Variants in LYPLAL1 observed in about 807,000 individuals in gnomAD.
The protein encoded by LYPLAL1 is lysophospholipase like 1.
Under a neutral mutation model 19.7 loss-of-function variants are expected in LYPLAL1, and 23 were observed. That is an observed-to-expected ratio of 1.17 (90% CI 0.84 to 1.65). The LOEUF is 1.65. LYPLAL1 is among the 40% of genes most tolerant of loss of function. LYPLAL1 has a pLI of 0.00. For synonymous variants in LYPLAL1, 119 were observed against 96.3 expected, an observed-to-expected ratio of 1.24 and a Z score of -1.38; for missense variants, 355 against 279.4, an observed-to-expected ratio of 1.27 and a Z score of -1.93.
At chr1:219,179,497 C>T (rs952545494) in intron 2 of LYPLAL1, 6 of 363,690 alleles carry the variant, frequency 1.6e-5, no homozygotes, top group African/African-American at 1.3e-4. Flanking sequence ...CCAAGCATGG[C>T]TTATGTAACT....
At chr1:219,381,823 A>G in the LYPLAL1 span, among the ~76,000 whole-genome samples, 2 of 152,248 alleles carry the variant, frequency 1.3e-5, no homozygotes, top group African/African-American at 4.8e-5. Flanking sequence ...AGATTAAGTC[A>G]TGGATTCAAC....
chr1:219,413,908 G>A, the LYPLAL1 span, among the ~76,000 whole-genome samples: 11 of 152,298 alleles, frequency 7.2e-5, no homozygotes, highest in African/African-American at 2.6e-4. Flanking sequence ...CAAGTTTATA[G>A]TATAATATAA....
chr1:219,339,439 T>C, the LYPLAL1 span, among the ~76,000 whole-genome samples: 1 of 152,088 alleles, frequency 6.6e-6, no homozygotes, highest in Admixed American at 6.6e-5. Flanking sequence ...GTTGCTGTTC[T>C]CTCCATTATT....
At chr1:219,278,556 G>A in the LYPLAL1 span, among the ~76,000 whole-genome samples, 1 of 152,132 alleles carries the variant, frequency 6.6e-6, no homozygotes, top group Non-Finnish European at 1.5e-5. Flanking sequence ...TTTGAATTGA[G>A]GAAAGTCTGG....
At chr1:219,311,033 T>G in the LYPLAL1 span, among the ~76,000 whole-genome samples, 1 of 152,242 alleles carries the variant, frequency 6.6e-6, no homozygotes, top group African/African-American at 2.4e-5. Context: ...GCTTATCCAT[T>G]CTATCATTTT....
the LYPLAL1 span, among the ~76,000 whole-genome samples, chr1:219,234,347 TTATTCA>T: frequency 6.6e-6 from 1 of 152,144 alleles, no homozygotes; most frequent in Non-Finnish European, 1.5e-5. Context: ...AATGTAACTC[TTATTCA>T]TAAGCTATTG....
At chr1:219,204,818 G>T (rs1658420170) in intron 3 of LYPLAL1, among the ~76,000 whole-genome samples, 1 of 152,084 alleles carries the variant, frequency 6.6e-6, no homozygotes, top group African/African-American at 2.4e-5. Context: ...CCACTAGGTG[G>T]TGATAATTCG....
the LYPLAL1 span, among the ~76,000 whole-genome samples, chr1:219,353,111 C>A: frequency 2.0e-5 from 3 of 152,076 alleles, no homozygotes; most frequent in Non-Finnish European, 2.9e-5. Context: ...GAAGTGAAAC[C>A]GAGGATGTAA....
the LYPLAL1 span, among the ~76,000 whole-genome samples, chr1:219,415,960 C>A: frequency 6.6e-6 from 1 of 152,098 alleles, no homozygotes; most frequent in Non-Finnish European, 1.5e-5. Context: ...AGTCATTTTT[C>A]GTCAGTTTTG....
At chr1:219,193,058 T>TGGGG (rs60036848) in intron 2 of LYPLAL1, 24 bp from the exon 3 acceptor site, 7 of 1,192,934 alleles carry the variant, frequency 5.9e-6, no homozygotes, top group Non-Finnish European at 6.7e-6. Flanking sequence ...TCTTTTTTTT[T>TGGGG]GGGGGGGGGC....
intron 3 of LYPLAL1, among the ~76,000 whole-genome samples, chr1:219,208,901 G>A (rs1658780878): frequency 6.6e-6 from 1 of 152,180 alleles, no homozygotes; most frequent in African/African-American, 2.4e-5. Context: ...ACTAATTTGT[G>A]TATTTACGTA....
chr1:219,422,576 G>T, the LYPLAL1 span, among the ~76,000 whole-genome samples: 1 of 152,092 alleles, frequency 6.6e-6, no homozygotes, highest in Non-Finnish European at 1.5e-5. Context: ...TATAGTAGCT[G>T]TGAAAATAGC....
chr1:219,379,357 C>A, the LYPLAL1 span, among the ~76,000 whole-genome samples: 1 of 152,168 alleles, frequency 6.6e-6, no homozygotes, highest in Non-Finnish European at 1.5e-5. Flanking sequence ...ACTGCTTCTG[C>A]CACCTCAGAC....
chr1:219,333,646 G>C, the LYPLAL1 span, among the ~76,000 whole-genome samples: 1 of 151,972 alleles, frequency 6.6e-6, no homozygotes, highest in Admixed American at 6.6e-5. Context: ...GTTTATAAGA[G>C]AAATAAGAAT....
At chr1:219,317,954 C>G in the LYPLAL1 span, among the ~76,000 whole-genome samples, 1 of 152,092 alleles carries the variant, frequency 6.6e-6, no homozygotes, top group East Asian at 1.9e-4. Context: ...TGTCACCAAG[C>G]GGCAGCAAGA....
the LYPLAL1 span, among the ~76,000 whole-genome samples, chr1:219,341,234 A>G: frequency 6.6e-6 from 1 of 152,086 alleles, no homozygotes; most frequent in Non-Finnish European, 1.5e-5. Context: ...TGTTTCACTA[A>G]ATAAGCTCAA....
At chr1:219,352,375 G>C in the LYPLAL1 span, among the ~76,000 whole-genome samples, 1 of 152,012 alleles carries the variant, frequency 6.6e-6, no homozygotes, top group Non-Finnish European at 1.5e-5. Flanking sequence ...AAAATTAGCC[G>C]GGCGCGGTGG....
chr1:219,255,873 C>T, the LYPLAL1 span, among the ~76,000 whole-genome samples: 1 of 151,580 alleles, frequency 6.6e-6, no homozygotes, highest in African/African-American at 2.4e-5. Flanking sequence ...CGATTTTGCT[C>T]CTTTTTCTTT....
At chr1:219,295,453 C>T in the LYPLAL1 span, among the ~76,000 whole-genome samples, 2 of 152,092 alleles carry the variant, frequency 1.3e-5, no homozygotes, top group Non-Finnish European at 2.9e-5. Context: ...AGATATAAGA[C>T]AAATTTTCGG....
Sources: gnomAD v4.1 joint callset for allele counts (sites outside exome capture counted in the v4.1 genomes callset) on GRCh38, gnomAD v4.1.1 for gene constraint, MANE v1.5 for transcripts, NCBI Gene and HGNC (gene_info 2026-07-23, HGNC 2026-07-21) for gene names.